CDH12: variants seen among roughly 807,000 people sequenced by gnomAD.
CDH12 encodes cadherin-12.
In CDH12, 41 loss-of-function variants were observed where a neutral mutation model predicts 74.1. That is an observed-to-expected ratio of 0.55 (90% confidence interval 0.43 to 0.72). The LOEUF is 0.72. Among genes scored for constraint, CDH12 ranks in the 30% least tolerant of loss-of-function variants. The probability of loss-of-function intolerance (pLI) is 0.00; values close to 1 mark genes in which losing one functional copy is unlikely to be tolerated. For synonymous variants in CDH12, 399 were observed against 355.0 expected (o/e 1.12, Z -1.39); for missense variants, 945 against 977.2 (o/e 0.97, Z 0.44).
intron 8 of CDH12, among the ~76,000 whole-genome samples, chr5:21,832,295 C>T (rs528569237): frequency 1.3e-5 from 2 of 152,116 alleles, no homozygotes; most frequent in South Asian, 2.1e-4. Flanking sequence ...TTCATGCTCT[C>T]GTTAGCAAAT....
intron 5 of CDH12, among the ~76,000 whole-genome samples, chr5:22,044,327 GT>G (rs1739784238): frequency 6.6e-6 from 1 of 152,116 alleles, no homozygotes; most frequent in Non-Finnish European, 1.5e-5. Flanking sequence ...AACAAAAGAG[GT>G]TTAATTAACT....
At chr5:22,368,827 C>T (rs1430442764) in intron 3 of CDH12, among the ~76,000 whole-genome samples, 1 of 152,056 alleles carries the variant, frequency 6.6e-6, no homozygotes, top group Non-Finnish European at 1.5e-5. Flanking sequence ...CCATGCTCAA[C>T]CTTTATTCCT....
chr5:22,185,761 A>G (rs1749906720), intron 4 of CDH12, among the ~76,000 whole-genome samples: 1 of 152,224 alleles, frequency 6.6e-6, no homozygotes, highest in African/African-American at 2.4e-5. Flanking sequence ...TATCACTAAA[A>G]TAGGGAATGA....
intron 1 of CDH12, among the ~76,000 whole-genome samples, chr5:22,603,853 T>C (rs538989112): frequency 5.3e-5 from 8 of 152,238 alleles, no homozygotes; most frequent in Non-Finnish European, 1.2e-4. Context: ...TCCTGTAAAA[T>C]GGAAAAAGAA....
intron 4 of CDH12, among the ~76,000 whole-genome samples, chr5:22,137,600 A>T (rs184700659): frequency 6.6e-6 from 1 of 152,112 alleles, no homozygotes; most frequent in African/African-American, 2.4e-5. Context: ...GATCCATCCC[A>T]TCAATTTCCC....
At chr5:22,583,773 C>T (rs1287748708) in intron 1 of CDH12, among the ~76,000 whole-genome samples, 2 of 152,092 alleles carry the variant, frequency 1.3e-5, no homozygotes, top group African/African-American at 2.4e-5. Context: ...TAAAACTTTT[C>T]ACAGGCTTTT....
rs1174087417 is a variant in CDH12, at chr5:22,171,304, T to A, written c.-187+41194A>T. On this transcript the variant is annotated intron_variant, in intron 4 of 14. Transcript: ENST00000382254. Reference sequence around the variant, plus strand: ...TAATGATTAATTGGATAATGTTCGTTAAGTGCTCCCAGCTACTTAGAATAA... The same window carrying A: ...TAATGATTAATTGGATAATGTTCGTAAAGTGCTCCCAGCTACTTAGAATAA... 3.9e-5 allele frequency among the ~76,000 whole-genome samples: 6 copies of A among 152,024 alleles called. No individual in the cohort carries two copies. In the East Asian group the frequency reaches 1.2e-3, roughly 29 times the overall value.
chr5:22,227,050 C>T (rs1471044651), intron 3 of CDH12, among the ~76,000 whole-genome samples: 1 of 152,000 alleles, frequency 6.6e-6, no homozygotes, highest in Non-Finnish European at 1.5e-5. Context: ...CACGTGTATT[C>T]TTATTCCATT....
chr5:22,584,746 A>G (rs1026999032), intron 1 of CDH12, among the ~76,000 whole-genome samples: 6 of 151,924 alleles, frequency 3.9e-5, no homozygotes, highest in Non-Finnish European at 8.8e-5. Context: ...TTCTTTCTCT[A>G]TAAGTTATAG....
intron 6 of CDH12, among the ~76,000 whole-genome samples, chr5:21,945,718 G>T (rs1651756672): frequency 1.3e-5 from 2 of 151,506 alleles, no homozygotes; most frequent in South Asian, 4.2e-4. Flanking sequence ...CATGCCAACA[G>T]AATTTACTGT....
At chr5:22,095,986 T>C in intron 4 of CDH12, among the ~76,000 whole-genome samples, 1 of 150,928 alleles carries the variant, frequency 6.6e-6, no homozygotes, top group East Asian at 2.0e-4. Context: ...CAACCCCTTA[T>C]TTCCATGCCC....
intron 3 of CDH12, among the ~76,000 whole-genome samples, chr5:22,323,776 T>C (rs1047054242): frequency 1.3e-5 from 2 of 152,068 alleles, no homozygotes; most frequent in Non-Finnish European, 2.9e-5. Flanking sequence ...TTTTGTTTGC[T>C]TTGCTTTAAG....
At chr5:21,860,511 C>CT (rs1384689990) in intron 6 of CDH12, among the ~76,000 whole-genome samples, 1 of 151,914 alleles carries the variant, frequency 6.6e-6, no homozygotes, top group Admixed American at 6.6e-5. Flanking sequence ...CTGGATGTGT[C>CT]TGTGAGGTTG....
At chr5:22,455,615 G>A (rs1056063278) in intron 2 of CDH12, among the ~76,000 whole-genome samples, 1 of 152,158 alleles carries the variant, frequency 6.6e-6, no homozygotes, top group Non-Finnish European at 1.5e-5. Flanking sequence ...TGGGTTTATG[G>A]ATTTCACAGC....
At chr5:22,226,902 C>CT (rs1236973123) in intron 3 of CDH12, among the ~76,000 whole-genome samples, 1 of 151,848 alleles carries the variant, frequency 6.6e-6, no homozygotes, top group Non-Finnish European at 1.5e-5. Context: ...TCTTTCTTCA[C>CT]TTTTTGTTAT....
At chr5:22,656,473 C>T (rs1420903099) in intron 1 of CDH12, among the ~76,000 whole-genome samples, 4 of 152,132 alleles carry the variant, frequency 2.6e-5, no homozygotes, top group African/African-American at 9.7e-5. Flanking sequence ...GGAGATATCA[C>T]TGTATGAGCA....
chr5:22,461,735 T>A (rs1745534152), intron 2 of CDH12, among the ~76,000 whole-genome samples: 1 of 151,820 alleles, frequency 6.6e-6, no homozygotes, highest in Non-Finnish European at 1.5e-5. Flanking sequence ...TATTTTGATT[T>A]TCATATTATT....
intron 5 of CDH12, among the ~76,000 whole-genome samples, chr5:22,049,694 TCA>T (rs1740215981): frequency 1.3e-5 from 2 of 152,118 alleles, no homozygotes; most frequent in Non-Finnish European, 2.9e-5. Flanking sequence ...TGTGAGATGG[TCA>T]CACAGAGACT....
chr5:22,807,077 A>T (rs1051373642), intron 1 of CDH12, among the ~76,000 whole-genome samples: 10 of 151,782 alleles, frequency 6.6e-5, no homozygotes, highest in Non-Finnish European at 1.2e-4. Flanking sequence ...TATTGCCTAG[A>T]TTTTCTTGTA....
Sources: gnomAD v4.1 joint callset for allele counts (sites outside exome capture counted in the v4.1 genomes callset) on GRCh38, gnomAD v4.1.1 for gene constraint, MANE v1.5 for transcripts, NCBI Gene and HGNC (gene_info 2026-07-23, HGNC 2026-07-21) for gene names.